MARCHF4: variants seen among roughly 807,000 people sequenced by gnomAD.
MARCHF4 encodes the protein membrane associated ring-CH-type finger 4.
MARCHF4 carries 14 observed loss-of-function variants against 43.9 expected under a neutral mutation model. The ratio of observed to expected loss-of-function variants is 0.32; its 90% CI spans 0.21 to 0.50. MARCHF4 has a LOEUF of 0.50. Among genes scored for constraint, MARCHF4 ranks in the 20% least tolerant of loss-of-function variants. The pLI is 0.98. For synonymous variants in MARCHF4, 226 were observed against 213.3 expected (o/e 1.06, Z -0.52); for missense variants, 468 against 536.7 (o/e 0.87, Z 1.27).
intron 1 of MARCHF4, among the ~76,000 whole-genome samples, chr2:216,309,489 A>G (rs1351562044): frequency 6.6e-6 from 1 of 152,178 alleles, no homozygotes; most frequent in Non-Finnish European, 1.5e-5. Flanking sequence ...ACCACATCCA[A>G]GTTCCTAGGG....
chr2:216,319,924 C>T (rs1301204640), intron 1 of MARCHF4, among the ~76,000 whole-genome samples: 6 of 152,172 alleles, frequency 3.9e-5, no homozygotes, highest in Non-Finnish European at 8.8e-5. Flanking sequence ...ATCTAGAAAG[C>T]CACATTCCTC....
intron 1 of MARCHF4, among the ~76,000 whole-genome samples, chr2:216,298,984 C>T (rs999896718): frequency 6.6e-6 from 1 of 152,200 alleles, no homozygotes; most frequent in Admixed American, 6.5e-5. Flanking sequence ...TCTGAGCGTG[C>T]CACTATCTGC....
chr2:216,338,604 G>T (rs2666298), intron 1 of MARCHF4, among the ~76,000 whole-genome samples: 2 of 151,946 alleles, frequency 1.3e-5, no homozygotes, highest in Admixed American at 1.3e-4. Flanking sequence ...TTCCATCTCT[G>T]CTCCGCCTCA....
intron 1 of MARCHF4, among the ~76,000 whole-genome samples, chr2:216,333,449 C>A (rs1324682956): frequency 6.6e-6 from 1 of 152,164 alleles, no homozygotes; most frequent in Non-Finnish European, 1.5e-5. Flanking sequence ...TGTCATATGA[C>A]CGCACTGGAT....
intron 1 of MARCHF4, among the ~76,000 whole-genome samples, chr2:216,337,210 G>A (rs113483145): frequency 0.018 from 2,795 of 151,688 alleles, 82 homozygotes; most frequent in African/African-American, 0.064. Flanking sequence ...AAAAGATCAG[G>A]CTACATGGAT....
intron 1 of MARCHF4, among the ~76,000 whole-genome samples, chr2:216,318,471 T>A (rs1691820550): frequency 6.6e-6 from 1 of 152,130 alleles, no homozygotes; most frequent in Non-Finnish European, 1.5e-5. Context: ...GCTATGAAGA[T>A]AATTAAATCT....
intron 1 of MARCHF4, among the ~76,000 whole-genome samples, chr2:216,332,340 C>T (rs1692091955): frequency 1.3e-5 from 2 of 149,056 alleles, no homozygotes; most frequent in South Asian, 2.1e-4. Flanking sequence ...TGCAGTGCGC[C>T]GAGATTGAGC....
At chr2:216,350,629 C>T (rs1692392885) in intron 1 of MARCHF4, among the ~76,000 whole-genome samples, 1 of 152,184 alleles carries the variant, frequency 6.6e-6, no homozygotes, top group Non-Finnish European at 1.5e-5. Flanking sequence ...CCCCACCTCT[C>T]TGGTCTGCTG....
intron 1 of MARCHF4, among the ~76,000 whole-genome samples, chr2:216,316,522 A>T (rs1559097440): frequency 6.6e-6 from 1 of 152,200 alleles, no homozygotes; most frequent in Non-Finnish European, 1.5e-5. Context: ...TTCATTCTTG[A>T]AGAAATGAAA....
chr2:216,288,493 TAAAGATTAAAG>T (rs1181376457), intron 1 of MARCHF4, among the ~76,000 whole-genome samples: 2 of 152,138 alleles, frequency 1.3e-5, no homozygotes, highest in Non-Finnish European at 2.9e-5. Flanking sequence ...CCAAGAGCAG[TAAAGATTAAAG>T]AATTTTCTAA....
chr2:216,319,486 A>G (rs1691844739), intron 1 of MARCHF4, among the ~76,000 whole-genome samples: 1 of 152,204 alleles, frequency 6.6e-6, no homozygotes, highest in Non-Finnish European at 1.5e-5. Context: ...TGTCTAGAGC[A>G]AGAGAATAAG....
At chr2:216,330,924 A>C (rs986541170) in intron 1 of MARCHF4, among the ~76,000 whole-genome samples, 1 of 152,106 alleles carries the variant, frequency 6.6e-6, no homozygotes, top group Non-Finnish European at 1.5e-5. Flanking sequence ...ATAATGTTTT[A>C]AAAGAACGGC....
chr2:216,277,508 C>T (rs1691045423), intron 3 of MARCHF4, among the ~76,000 whole-genome samples, 164 bp downstream of exon 3: 1 of 152,132 alleles, frequency 6.6e-6, no homozygotes, highest in South Asian at 2.1e-4. Context: ...TCCCCCTTCC[C>T]ATCCACCCCT....
At chr2:216,367,307 C>T (rs1369599392) in intron 1 of MARCHF4, among the ~76,000 whole-genome samples, 1 of 151,950 alleles carries the variant, frequency 6.6e-6, no homozygotes, top group East Asian at 1.9e-4. Context: ...CTCTTTCTCT[C>T]TCCCCCTCCC....
chr2:216,288,833 A>C (rs389577), intron 1 of MARCHF4, among the ~76,000 whole-genome samples: 56,595 of 151,810 alleles, frequency 0.37, 11,868 homozygotes, highest in East Asian at 0.56. Context: ...GACAATTAAG[A>C]AGCAGCAGAT....
chr2:216,268,682 T>G (rs1690885593), intron 3 of MARCHF4, among the ~76,000 whole-genome samples: 1 of 152,206 alleles, frequency 6.6e-6, no homozygotes, highest in Non-Finnish European at 1.5e-5. Context: ...TGGACTAATA[T>G]AGTAGCTATT....
At chr2:216,316,077 C>A (rs1470749868) in intron 1 of MARCHF4, among the ~76,000 whole-genome samples, 1 of 152,204 alleles carries the variant, frequency 6.6e-6, no homozygotes, top group Non-Finnish European at 1.5e-5. Context: ...TCTCTTTTCC[C>A]AGGGAAACAA....
rs565600873 is a variant in MARCHF4, at chr2:216,346,974, T to C, written c.516+22771A>G. 2.0e-4 allele frequency among the ~76,000 whole-genome samples: 30 copies of C among 152,242 alleles called. No homozygotes were observed. The South Asian group carries it at 6.2e-3, about 32-fold the overall frequency. ...GTGAGTGAGTTATTGCGGGGTCTGG[T>C]TGTTTAAAAGTGTATAGCAACCACC... On this transcript the variant is annotated intron_variant, in intron 1 of 3. Coordinates refer to ENST00000273067, the MANE Select transcript of MARCHF4 (RefSeq NM_020814.3).
At chr2:216,319,057 C>T (rs146035210) in intron 1 of MARCHF4, among the ~76,000 whole-genome samples, 3 of 152,170 alleles carry the variant, frequency 2.0e-5, no homozygotes, top group East Asian at 1.9e-4. Flanking sequence ...TCTGTAATGC[C>T]GGCACTTTGC....
Sources: allele counts gnomAD v4.1 joint callset (sites outside exome capture counted in the v4.1 genomes callset), GRCh38; gene constraint gnomAD v4.1.1; transcripts MANE v1.5; gene names NCBI Gene and HGNC (gene_info 2026-07-23, HGNC 2026-07-21).